ARHGEF3: variants seen among roughly 807,000 people sequenced by gnomAD.
ARHGEF3 encodes the protein 59.8 kDA protein.
A neutral mutation model predicts 63.2 loss-of-function variants in ARHGEF3; 28 were observed. That is an observed-to-expected ratio of 0.44 (90% CI 0.33 to 0.61). The LOEUF (loss-of-function observed/expected upper bound fraction) is 0.61, where lower values mean the gene tolerates loss of function less well. Among genes scored for constraint, ARHGEF3 ranks in the 20% least tolerant of loss-of-function variants. ARHGEF3 has a pLI of 0.03. For missense variants in ARHGEF3, 533 were observed against 659.3 expected (o/e 0.81, Z 2.10); for synonymous variants, 266 against 254.2 (o/e 1.05, Z -0.44).
chr3:57,045,893 G>A (rs1704431818), intron 1 of ARHGEF3, among the ~76,000 whole-genome samples: 1 of 152,168 alleles, frequency 6.6e-6, no homozygotes, highest in South Asian at 2.1e-4. Context: ...TTGTTTAAAT[G>A]AGCTTCATAG....
At position 56,786,628 on chromosome 3, in the gene ARHGEF3, T is replaced by C. The variant is rs769260024; in HGVS notation, c.97-12812A>G. ...GCTGTACATCTGCAACCTTGAAACA[T>C]AGTGATTACGTGTTATTTTGAACTC... On this transcript the variant is annotated intron_variant, in intron 1 of 9. Coordinates refer to ENST00000296315, the MANE Select transcript of ARHGEF3 (RefSeq NM_019555.3). 1.4e-4 allele frequency among the ~76,000 whole-genome samples: 22 copies of C among 152,186 alleles called. 1 individual carries two copies. The highest frequency in any genetic ancestry group is 6.2e-4 in the South Asian group (3 of 4,824).
At chr3:56,968,600 A>G (rs537059911) in intron 2 of ARHGEF3, among the ~76,000 whole-genome samples, 1 of 150,834 alleles carries the variant, frequency 6.6e-6, no homozygotes, top group South Asian at 2.1e-4. Context: ...AAGTGCTAAG[A>G]TTACAGGTGT....
chr3:56,904,309 G>A (rs1292813953), intron 3 of ARHGEF3, among the ~76,000 whole-genome samples: 3 of 152,124 alleles, frequency 2.0e-5, no homozygotes, highest in African/African-American at 7.2e-5. Context: ...GGGATTACAG[G>A]CATAAGCCAC....
rs139609072 is a variant in ARHGEF3 at position 56,769,488 on chromosome 3, G to A, written c.204+4221C>T. 9.2e-5 allele frequency among the ~76,000 whole-genome samples: 14 copies of A among 152,342 alleles called. No individual in the cohort carries two copies. The East Asian group carries it at 2.1e-3, about 23-fold the overall frequency. On this transcript the variant is annotated intron_variant, in intron 2 of 9. Transcript: ENST00000296315. ...TGCAGTCAGGCTGTCCCTCCCCAGC[G>A]TCCACAAATGCTGCCTTTGTGTTGG...
chr3:56,744,485 A>C (rs2034254130), intron 7 of ARHGEF3, among the ~76,000 whole-genome samples: 1 of 145,308 alleles, frequency 6.9e-6, no homozygotes, highest in Admixed American at 7.0e-5. Context: ...TGCAACCTCC[A>C]CCTCCCAGGC....
chr3:56,882,284 A>G, intron 4 of ARHGEF3: 1 of 1,551,462 alleles, frequency 6.4e-7, no homozygotes, highest in Non-Finnish European at 8.7e-7. Flanking sequence ...AGAAAGGACT[A>G]TACTTACACT....
intron 1 of ARHGEF3, among the ~76,000 whole-genome samples, chr3:57,057,255 G>A (rs1258859790): frequency 6.6e-6 from 1 of 152,070 alleles, no homozygotes; most frequent in African/African-American, 2.4e-5. Context: ...GGGATTACAG[G>A]TGCGTGCCAC....
At position 57,042,671 on chromosome 3, in the gene ARHGEF3, TATATATATATATA is replaced by T. The variant is rs1704245039; in HGVS notation, c.-27-7508_-27-7496del. Among the ~76,000 whole-genome samples the T allele has an allele frequency of 7.5e-4, 17 of 22,642 alleles. No homozygotes were observed. The East Asian group carries it at 0.022, about 29-fold the overall frequency. 14.9% of individuals were successfully genotyped at this position (22,642 alleles called of 152,430 possible). On this transcript the variant is annotated intron_variant, in intron 1 of 12. Coordinates refer to the ARHGEF3 transcript ENST00000338458. ...ACATAAATATATATATATATATATA[TATATATATATATA>T]TATATATATATATATATTTTTTTTT...
intron 8 of ARHGEF3, among the ~76,000 whole-genome samples, chr3:56,736,757 T>C (rs1315480515): frequency 6.6e-6 from 1 of 152,160 alleles, no homozygotes. Flanking sequence ...TATACACATA[T>C]GATCCTGTGA....
intron 3 of ARHGEF3, among the ~76,000 whole-genome samples, chr3:56,918,982 C>T (rs1359587025): frequency 6.6e-6 from 1 of 152,128 alleles, no homozygotes; most frequent in Non-Finnish European, 1.5e-5. Flanking sequence ...TTGCTGGATG[C>T]ACTGGTGTTA....
chr3:56,868,503 C>T (rs1194817506), intron 4 of ARHGEF3, among the ~76,000 whole-genome samples: 2 of 151,976 alleles, frequency 1.3e-5, no homozygotes, highest in African/African-American at 2.4e-5. Flanking sequence ...GCTGGGAGTA[C>T]AGGCGTGTGC....
At chr3:57,046,315 C>T (rs898938831) in intron 1 of ARHGEF3, among the ~76,000 whole-genome samples, 2 of 152,192 alleles carry the variant, frequency 1.3e-5, no homozygotes, top group Non-Finnish European at 2.9e-5. Context: ...AGGGGTTGAA[C>T]AGCTGGGTCT....
At chr3:57,049,727 C>A (rs1323325515) in intron 1 of ARHGEF3, among the ~76,000 whole-genome samples, 3 of 152,132 alleles carry the variant, frequency 2.0e-5, no homozygotes, top group East Asian at 3.9e-4. Flanking sequence ...ACTATGATGG[C>A]TGGGAAGGCA....
intron 2 of ARHGEF3, among the ~76,000 whole-genome samples, chr3:56,758,186 C>T (rs1426241252): frequency 6.6e-6 from 1 of 151,342 alleles, no homozygotes; most frequent in Non-Finnish European, 1.5e-5. Context: ...GAAGCTGAGG[C>T]AGAAGAATTG....
chr3:56,849,367 T>C (rs138393821), intron 4 of ARHGEF3, among the ~76,000 whole-genome samples: 3 of 152,346 alleles, frequency 2.0e-5, no homozygotes, highest in Non-Finnish European at 2.9e-5. Context: ...TGTACGTATA[T>C]TGACACACAG....
At chr3:57,068,952 C>T (rs1330057378) in intron 1 of ARHGEF3, among the ~76,000 whole-genome samples, 1 of 147,692 alleles carries the variant, frequency 6.8e-6, no homozygotes, top group South Asian at 2.1e-4. Flanking sequence ...GACCGAGTCT[C>T]GCTGTATCAC....
At chr3:56,979,186 A>G (rs1701232489) in intron 2 of ARHGEF3, among the ~76,000 whole-genome samples, 3 of 152,224 alleles carry the variant, frequency 2.0e-5, no homozygotes, top group Non-Finnish European at 4.4e-5. Context: ...AAATTTCTAC[A>G]TATCCAATAA....
chr3:56,789,099 A>C (rs1034218950), intron 1 of ARHGEF3, among the ~76,000 whole-genome samples: 1 of 151,808 alleles, frequency 6.6e-6, no homozygotes, highest in African/African-American at 2.4e-5. Flanking sequence ...GTTTGGTGGA[A>C]GCCCTTTATA....
At chr3:57,052,614 C>A (rs1267896884) in intron 1 of ARHGEF3, among the ~76,000 whole-genome samples, 1 of 152,210 alleles carries the variant, frequency 6.6e-6, no homozygotes, top group Non-Finnish European at 1.5e-5. Flanking sequence ...ACATTCTTAA[C>A]CCTTACACTT....
Sources: gnomAD v4.1 joint callset for allele counts (sites outside exome capture counted in the v4.1 genomes callset) on GRCh38, gnomAD v4.1.1 for gene constraint, MANE v1.5 for transcripts, NCBI Gene and HGNC (gene_info 2026-07-23, HGNC 2026-07-21) for gene names.